GABRB1: variants seen among roughly 807,000 people sequenced by gnomAD.
GABRB1 encodes the protein gamma-aminobutyric acid type A receptor subunit beta1.
In GABRB1, 17 loss-of-function variants were observed where a neutral mutation model predicts 51.6. The observed-to-expected ratio is 0.33, with a 90% confidence interval of 0.23 to 0.49. The LOEUF (loss-of-function observed/expected upper bound fraction) is 0.49, where lower values mean the gene tolerates loss of function less well. Ranked by LOEUF, GABRB1 falls within the 20% of genes least tolerant of loss-of-function variation. The probability of loss-of-function intolerance (pLI) is 0.99; values close to 1 mark genes in which losing one functional copy is unlikely to be tolerated. For missense variants in GABRB1, 410 were observed against 600.6 expected (o/e 0.68, Z 3.32); for synonymous variants, 247 against 218.9 (o/e 1.13, Z -1.14).
chr4:47,172,081 G>A (rs1385600884), intron 4 of GABRB1, among the ~76,000 whole-genome samples: 1 of 152,062 alleles, frequency 6.6e-6, no homozygotes, highest in Non-Finnish European at 1.5e-5. Flanking sequence ...TAACACTCTA[G>A]ATATAGAGGT....
rs995708842 is a variant in GABRB1 at position 47,399,841 on chromosome 4, T to C, written c.545-3477T>C. On this transcript the variant is annotated intron_variant, in intron 5 of 8. Transcript: ENST00000295454. ...ATAAGAAGTTCAATACTTTTTCCGT[T>C]GAAAACACCTTGCACTTTCTGTCTG... Among the ~76,000 whole-genome samples, 17 of 152,342 alleles carry C rather than the reference T, an allele frequency of 1.1e-4. No individual in the cohort carries two copies. In the South Asian group the frequency reaches 3.5e-3, roughly 32 times the overall value.
chr4:47,396,085 G>C (rs566576413), intron 5 of GABRB1, among the ~76,000 whole-genome samples: 1 of 152,218 alleles, frequency 6.6e-6, no homozygotes, highest in East Asian at 1.9e-4. Context: ...ATACACACCC[G>C]AGACTGGGCA....
intron 4 of GABRB1, among the ~76,000 whole-genome samples, chr4:47,196,513 G>A (rs1719690647): frequency 6.6e-6 from 1 of 152,170 alleles, no homozygotes; most frequent in Admixed American, 6.5e-5. Flanking sequence ...CAAGGGAGCA[G>A]ATGGCCAAGA....
intron 5 of GABRB1, among the ~76,000 whole-genome samples, chr4:47,379,495 A>C (rs1334470607): frequency 6.6e-6 from 1 of 152,218 alleles, no homozygotes; most frequent in East Asian, 1.9e-4. Context: ...AAAGTAGGCT[A>C]AACTAAGCTA....
chr4:47,411,772 T>G (rs1728768700), intron 8 of GABRB1, among the ~76,000 whole-genome samples: 1 of 152,192 alleles, frequency 6.6e-6, no homozygotes, highest in Non-Finnish European at 1.5e-5. Flanking sequence ...TCTGGGAATC[T>G]GTAATAGTTT....
At chr4:47,313,076 C>A (rs964000887) in intron 4 of GABRB1, among the ~76,000 whole-genome samples, 4 of 152,126 alleles carry the variant, frequency 2.6e-5, no homozygotes, top group African/African-American at 9.7e-5. Flanking sequence ...TATCATGAGA[C>A]CATAGTTTCT....
At chr4:47,055,339 T>C (rs1416002476) in intron 3 of GABRB1, among the ~76,000 whole-genome samples, 3 of 152,204 alleles carry the variant, frequency 2.0e-5, no homozygotes, top group Admixed American at 2.0e-4. Flanking sequence ...ACTGCCAAAC[T>C]TAATTATGGG....
At chr4:46,995,361 A>T (rs1381652062) in intron 1 of GABRB1, among the ~76,000 whole-genome samples, 1 of 152,104 alleles carries the variant, frequency 6.6e-6, no homozygotes, top group Non-Finnish European at 1.5e-5. Context: ...TAATCTTAAT[A>T]CTTTCCTACC....
At chr4:47,214,735 A>G (rs1325660720) in intron 4 of GABRB1, among the ~76,000 whole-genome samples, 2 of 152,202 alleles carry the variant, frequency 1.3e-5, no homozygotes, top group East Asian at 1.9e-4. Flanking sequence ...CACATCAACC[A>G]TAGTATCCTC....
chr4:47,198,175 A>G (rs916500004), intron 4 of GABRB1, among the ~76,000 whole-genome samples: 1 of 152,186 alleles, frequency 6.6e-6, no homozygotes, highest in African/African-American at 2.4e-5. Flanking sequence ...TAGTGGCAGG[A>G]TGTGAATCTC....
chr4:47,124,851 C>A (rs765100001), intron 3 of GABRB1, among the ~76,000 whole-genome samples: 1 of 152,030 alleles, frequency 6.6e-6, no homozygotes, highest in African/African-American at 2.4e-5. Flanking sequence ...GGAAAGACCA[C>A]AGGATTTATT....
chr4:47,185,540 C>A (rs1190008949), intron 4 of GABRB1, among the ~76,000 whole-genome samples: 2 of 151,694 alleles, frequency 1.3e-5, no homozygotes, highest in Admixed American at 6.6e-5. Flanking sequence ...ATAGAGCCAT[C>A]CACTGCTCAC....
intron 3 of GABRB1, among the ~76,000 whole-genome samples, chr4:47,065,403 T>A (rs1727033761): frequency 6.6e-6 from 1 of 152,264 alleles, no homozygotes; most frequent in Non-Finnish European, 1.5e-5. Flanking sequence ...GGCTGTGCAA[T>A]TTCTCAGTTC....
chr4:47,039,717 A>G (rs892182605), intron 3 of GABRB1, among the ~76,000 whole-genome samples: 11 of 152,152 alleles, frequency 7.2e-5, no homozygotes, highest in Non-Finnish European at 1.5e-4. Context: ...TTTGCAGCCT[A>G]TATACATTTC....
chr4:47,337,519 A>G (rs541447061), intron 5 of GABRB1, among the ~76,000 whole-genome samples: 61 of 152,150 alleles, frequency 4.0e-4, no homozygotes, highest in African/African-American at 1.5e-3. Flanking sequence ...GAATGCATAG[A>G]TCTGGCCGGA....
At chr4:47,140,705 A>G (rs192475175) in intron 3 of GABRB1, among the ~76,000 whole-genome samples, 1 of 151,280 alleles carries the variant, frequency 6.6e-6, no homozygotes. Context: ...ACTTTGGAAC[A>G]TGTATACCTT....
chr4:47,028,432 T>C (rs562581520), upstream of GABRB1, among the ~76,000 whole-genome samples: 1 of 151,968 alleles, frequency 6.6e-6, no homozygotes, highest in South Asian at 2.1e-4. Flanking sequence ...GAAATGCTTG[T>C]TACAATTGTT....
intron 5 of GABRB1, among the ~76,000 whole-genome samples, chr4:47,400,621 G>A (rs1728344166): frequency 6.6e-6 from 1 of 150,856 alleles, no homozygotes; most frequent in Admixed American, 6.6e-5. Flanking sequence ...TTACTTACAT[G>A]GATGAATTAT....
chr4:47,294,309 C>T (rs1723874572), intron 4 of GABRB1, among the ~76,000 whole-genome samples: 1 of 152,214 alleles, frequency 6.6e-6, no homozygotes, highest in Non-Finnish European at 1.5e-5. Flanking sequence ...GAGGCATTGC[C>T]TCACTCGGAA....
Sources: allele counts gnomAD v4.1 joint callset (sites outside exome capture counted in the v4.1 genomes callset), GRCh38; gene constraint gnomAD v4.1.1; transcripts MANE v1.5; gene names NCBI Gene and HGNC (gene_info 2026-07-23, HGNC 2026-07-21).